Variants in NUP210L observed in about 807,000 individuals in gnomAD.
The protein encoded by NUP210L is nuclear pore membrane glycoprotein 210-like.
In NUP210L, 74 loss-of-function variants were observed where a neutral mutation model predicts 208.5. That is an observed-to-expected ratio of 0.35 (90% confidence interval 0.29 to 0.43). The LOEUF (loss-of-function observed/expected upper bound fraction) is 0.43, where lower values mean the gene tolerates loss of function less well. Ranked by LOEUF, NUP210L falls within the 20% of genes least tolerant of loss-of-function variation. The pLI is 1.00. For synonymous variants in NUP210L, 780 were observed against 816.9 expected, an observed-to-expected ratio of 0.95 and a Z score of 0.77; for missense variants, 1,843 against 2,289.4, an observed-to-expected ratio of 0.81 and a Z score of 3.98.
chr1:154,102,022 G>A (rs530196709), intron 13 of NUP210L, among the ~76,000 whole-genome samples: 5 of 152,132 alleles, frequency 3.3e-5, no homozygotes, highest in East Asian at 3.9e-4. Flanking sequence ...GTAGTGGCAC[G>A]TGCATGTAGT....
rs149097376 is a variant in NUP210L at position 154,106,268 on chromosome 1, T to A, written c.1621-2058A>T. The stretch of plus-strand genomic sequence containing the variant: ...AGAGTAAGACTCCATTCCAGAAAAA[T>A]AAATAAATAAATAAATAAAAAGATT... On this transcript the variant is annotated intron_variant, in intron 12 of 39. Coordinates refer to ENST00000368559, the Ensembl canonical transcript of NUP210L. Among the ~76,000 whole-genome samples, 59 of 151,182 alleles carry A rather than the reference T, an allele frequency of 3.9e-4. 1 individual carries two copies. The East Asian group carries it at 0.011, about 28-fold the overall frequency.
chr1:154,047,316 T>C (rs1346653763), intron 25 of NUP210L, among the ~76,000 whole-genome samples: 2 of 152,220 alleles, frequency 1.3e-5, no homozygotes, highest in African/African-American at 2.4e-5. Flanking sequence ...TTTACCCTGA[T>C]GTAGTTAATA....
At position 153,995,605 on chromosome 1, in the gene NUP210L, C is replaced by A. The variant is rs201562788; in HGVS notation, c.5387-425G>T. Reference sequence around the variant, plus strand: ...TGCTGGTTACCACTTCTTCCTCTTCCAGGGACGTTGTCTGCAGGCACTCAG... The same window carrying A: ...TGCTGGTTACCACTTCTTCCTCTTCAAGGGACGTTGTCTGCAGGCACTCAG... On this transcript the variant is annotated intron_variant, in intron 37 of 39. Coordinates refer to ENST00000368559, the Ensembl canonical transcript of NUP210L. 3.4e-5 allele frequency: 30 copies of A among 887,660 alleles called. No individual in the cohort carries two copies. In the East Asian group the frequency reaches 7.1e-4, roughly 21 times the overall value. The allele number at this position is 887,660 out of a possible 1,614,324, so 55.0% of individuals were successfully genotyped here.
intron 15 of NUP210L, among the ~76,000 whole-genome samples, chr1:154,091,531 T>C (rs1211436890): frequency 2.0e-5 from 3 of 147,978 alleles, no homozygotes; most frequent in Non-Finnish European, 3.0e-5. Flanking sequence ...GAGTGACTTT[T>C]GCTCTATTGT....
intron 15 of NUP210L, among the ~76,000 whole-genome samples, chr1:154,093,937 T>C (rs1656055828): frequency 6.6e-6 from 1 of 152,136 alleles, no homozygotes; most frequent in African/African-American, 2.4e-5. Flanking sequence ...GATCACTTGA[T>C]TCCAGCAACT....
chr1:154,048,520 TAA>T (rs1378600121), intron 25 of NUP210L, among the ~76,000 whole-genome samples: 1 of 152,214 alleles, frequency 6.6e-6, no homozygotes, highest in Non-Finnish European at 1.5e-5. Flanking sequence ...AGTGTCACTC[TAA>T]GTTTGATAAA....
intron 35 of NUP210L, among the ~76,000 whole-genome samples, chr1:154,006,967 T>TATATATATATA (rs57242105): frequency 0.018 from 1,702 of 94,472 alleles, 17 homozygotes; most frequent in South Asian, 0.03. Flanking sequence ...TATATATATA[T>TATATATATATA]TTTTTTTTTT....
chr1:154,022,371 C>A (rs1186598381), intron 31 of NUP210L, 28 bp from the exon 32 acceptor site: 7 of 1,576,454 alleles, frequency 4.4e-6, no homozygotes, highest in Non-Finnish European at 2.6e-6. Flanking sequence ...AGGTAGAAAT[C>A]TTTAAAAAGA....
intron 22 of NUP210L, 131 bp from the exon 23 acceptor site, chr1:154,057,078 A>G (rs1653908732): frequency 1.3e-6 from 1 of 770,892 alleles, no homozygotes; most frequent in Admixed American, 2.9e-5. Flanking sequence ...TCCCAGACTC[A>G]ATGTATCCTC....
At chr1:154,152,172 ATTTTATTTTG>A (rs1401646456) in intron 2 of NUP210L, among the ~76,000 whole-genome samples, 1 of 142,428 alleles carries the variant, frequency 7.0e-6, no homozygotes, top group African/African-American at 2.6e-5. Context: ...ATTTTATTTT[ATTTTATTTTG>A]TTTTATTGAG....
intron 12 of NUP210L, chr1:154,104,462 A>T: frequency 2.2e-6 from 1 of 444,980 alleles, no homozygotes; most frequent in Non-Finnish European, 4.1e-6. Flanking sequence ...AGAATTGCCA[A>T]CATCACCTCT....
exon 32 of NUP210L, chr1:154,022,238 T>C: frequency 1.2e-6 from 2 of 1,614,140 alleles, no homozygotes; most frequent in Non-Finnish European, 1.7e-6. Context: ...CTGCCATGCC[T>C]GGATGTCTCC....
chr1:154,037,986 C>T (rs1191466335), intron 27 of NUP210L, among the ~76,000 whole-genome samples: 1 of 151,958 alleles, frequency 6.6e-6, no homozygotes, highest in Non-Finnish European at 1.5e-5. Context: ...TAAATAAGAA[C>T]TTTTCCTGCC....
chr1:154,061,421 T>C (rs1388414244), intron 18 of NUP210L, among the ~76,000 whole-genome samples, 165 bp downstream of exon 18: 1 of 152,030 alleles, frequency 6.6e-6, no homozygotes, highest in East Asian at 1.9e-4. Context: ...CAATGTCTAA[T>C]TCTTCAGCTC....
At chr1:154,115,636 T>C (rs1488184859) in intron 12 of NUP210L, among the ~76,000 whole-genome samples, 1 of 152,320 alleles carries the variant, frequency 6.6e-6, no homozygotes, top group East Asian at 1.9e-4. Context: ...ATATCTCACA[T>C]ATCATTTTCT....
chr1:154,136,834 C>T (rs527706199), intron 6 of NUP210L, among the ~76,000 whole-genome samples: 8 of 134,412 alleles, frequency 6.0e-5, no homozygotes, highest in African/African-American at 1.4e-4. Context: ...GCAGGAGAAT[C>T]GTTTGAACCT....
chr1:154,061,595 T>C, exon 18 of NUP210L: 1 of 1,575,764 alleles, frequency 6.3e-7, no homozygotes, highest in Non-Finnish European at 8.7e-7. Flanking sequence ...CTTTTGGGCT[T>C]TTCTTCTCTG....
chr1:154,060,206 T>C (rs1654062057), intron 20 of NUP210L, among the ~76,000 whole-genome samples: 1 of 152,162 alleles, frequency 6.6e-6, no homozygotes, highest in Admixed American at 6.5e-5. Context: ...ACCACTGCAC[T>C]CCAGCCCAGG....
chr1:154,047,117 T>A (rs1248516535), intron 25 of NUP210L, among the ~76,000 whole-genome samples: 1 of 151,884 alleles, frequency 6.6e-6, no homozygotes, highest in Non-Finnish European at 1.5e-5. Context: ...AGTGGGTGGG[T>A]AGGGGGGCTA....
Sources: allele counts gnomAD v4.1 joint callset (sites outside exome capture counted in the v4.1 genomes callset), GRCh38; gene constraint gnomAD v4.1.1; transcripts MANE v1.5; gene names NCBI Gene and HGNC (gene_info 2026-07-23, HGNC 2026-07-21).